The following CSRNP3 variants were observed in gnomAD, a reference collection of about 807,000 sequenced individuals.
CSRNP3 encodes cysteine and serine rich nuclear protein 3.
Under a neutral mutation model 48.0 loss-of-function variants are expected in CSRNP3, and 12 were observed. The ratio of observed to expected loss-of-function variants is 0.25; its 90% CI spans 0.16 to 0.41. CSRNP3 has a LOEUF of 0.41. Ranked by LOEUF, CSRNP3 falls within the 10% of genes least tolerant of loss-of-function variation. The pLI is 1.00. For synonymous variants in CSRNP3, 263 were observed against 269.7 expected (o/e 0.98, Z 0.24); for missense variants, 580 against 724.4 (o/e 0.80, Z 2.29).
chr2:165,636,404 G>A (rs1467545935), intron 4 of CSRNP3, among the ~76,000 whole-genome samples: 1 of 152,188 alleles, frequency 6.6e-6, no homozygotes, highest in Non-Finnish European at 1.5e-5. Context: ...TATGTTTTCA[G>A]AGGCCTGTAT....
rs577153352 is a variant in CSRNP3 at position 165,532,879 on chromosome 2, A to C, written c.-24+14918A>C. Among the ~76,000 whole-genome samples, 11 of 152,282 alleles carry C rather than the reference A, an allele frequency of 7.2e-5. No homozygotes were observed. In the East Asian group the frequency reaches 2.1e-3, roughly 29 times the overall value. ...CAGCAAAGTCTCAGGATACAAAATCAATGTACAAAAATCACAAGCATTCTT... is the reference window on the plus strand; with the variant it reads ...CAGCAAAGTCTCAGGATACAAAATCCATGTACAAAAATCACAAGCATTCTT... On this transcript the variant is annotated intron_variant, in intron 3 of 6. Coordinates refer to ENST00000651982, the MANE Select transcript of CSRNP3 (RefSeq NM_001172173.2).
chr2:165,516,017 G>C (rs1419670744), intron 2 of CSRNP3, among the ~76,000 whole-genome samples: 1 of 151,874 alleles, frequency 6.6e-6, no homozygotes, highest in Non-Finnish European at 1.5e-5. Context: ...TGTTGGCCAG[G>C]CTGCTCTCAA....
At chr2:165,522,903 C>G (rs1364591024) in intron 3 of CSRNP3, among the ~76,000 whole-genome samples, 1 of 152,054 alleles carries the variant, frequency 6.6e-6, no homozygotes, top group Non-Finnish European at 1.5e-5. Context: ...TTATACCACT[C>G]TGCAGATTTA....
intron 5 of CSRNP3, among the ~76,000 whole-genome samples, chr2:165,667,944 GC>G (rs1212739383): frequency 1.3e-5 from 2 of 152,142 alleles, no homozygotes; most frequent in African/African-American, 4.8e-5. Context: ...TTGGCAATAT[GC>G]CATAGTGATT....
At chr2:165,644,067 TA>T (rs1686772607) in intron 4 of CSRNP3, among the ~76,000 whole-genome samples, 3 of 152,204 alleles carry the variant, frequency 2.0e-5, no homozygotes, top group Admixed American at 1.3e-4. Context: ...CAAAATCATT[TA>T]TAATATTCAG....
Position 165,494,772 on chromosome 2 carries a change from C to T in CSRNP3, c.-269C>T, listed in dbSNP as rs72876190. 7.0e-3 allele frequency: 1,473 copies of T among 209,478 alleles called. 8 individuals are homozygous for T. The highest frequency in any genetic ancestry group is 0.012 in the South Asian group (102 of 8,814). 13.0% of individuals were successfully genotyped at this position (209,478 alleles called of 1,614,324 possible). On this transcript the variant is annotated 5_prime_UTR_variant, in exon 2 of 7. Transcript: ENST00000651982. Reference sequence around the variant, plus strand: ...TTCCTGTTACAGGTACATGTGACAGCGTTGCAGCTATGAGTGGAATTTTAA... The same window carrying T: ...TTCCTGTTACAGGTACATGTGACAGTGTTGCAGCTATGAGTGGAATTTTAA...
chr2:165,661,759 C>T (rs1345088817), intron 5 of CSRNP3, among the ~76,000 whole-genome samples: 2 of 152,208 alleles, frequency 1.3e-5, no homozygotes, highest in East Asian at 3.9e-4. Context: ...CTGAGTTGGT[C>T]CTTTGTGAGT....
intron 4 of CSRNP3, among the ~76,000 whole-genome samples, chr2:165,600,802 AT>A (rs1309133130): frequency 6.6e-6 from 1 of 152,194 alleles, no homozygotes; most frequent in Non-Finnish European, 1.5e-5. Flanking sequence ...TCATGGGCTA[AT>A]CTTTCAAATT....
At chr2:165,475,183 A>G (rs532343446) in intron 1 of CSRNP3, among the ~76,000 whole-genome samples, 158 of 151,968 alleles carry the variant, frequency 1.0e-3, no homozygotes, top group African/African-American at 3.7e-3. Flanking sequence ...GGGTTTCAAA[A>G]GTGATTTAAA....
chr2:165,510,607 G>A (rs1490070293), intron 2 of CSRNP3, among the ~76,000 whole-genome samples: 3 of 152,066 alleles, frequency 2.0e-5, no homozygotes, highest in South Asian at 2.1e-4. Context: ...AAGGAGCTAG[G>A]TTTTAATTGA....
intron 2 of CSRNP3, among the ~76,000 whole-genome samples, chr2:165,510,065 C>T (rs539820020): frequency 4.5e-4 from 69 of 152,230 alleles, no homozygotes; most frequent in African/African-American, 6.7e-4. Flanking sequence ...TGAATCATAT[C>T]GGGGATATAT....
intron 3 of CSRNP3, among the ~76,000 whole-genome samples, chr2:165,577,914 A>G (rs188003301): frequency 0.016 from 2,384 of 152,098 alleles, 29 homozygotes; most frequent in South Asian, 0.024. Context: ...CATATAGTAT[A>G]GGAACACACA....
At chr2:165,658,533 G>A (rs924617088) in intron 5 of CSRNP3, among the ~76,000 whole-genome samples, 10 of 152,116 alleles carry the variant, frequency 6.6e-5, no homozygotes, top group Admixed American at 3.3e-4. Context: ...ATTGGCAAGA[G>A]CATTTCAGAT....
At chr2:165,594,945 C>T in intron 3 of CSRNP3, 98 bp from the exon 4 acceptor site, 2 of 980,334 alleles carry the variant, frequency 2.0e-6, no homozygotes, top group South Asian at 3.6e-5. Flanking sequence ...TAGCTCAGCT[C>T]ATGTATAAAA....
chr2:165,573,985 G>A (rs978800748), intron 3 of CSRNP3: 2 of 175,428 alleles, frequency 1.1e-5, no homozygotes, highest in Non-Finnish European at 2.4e-5. Context: ...TCTTGGTGGG[G>A]AGGGAGTAAG....
intron 3 of CSRNP3, among the ~76,000 whole-genome samples, chr2:165,584,585 T>A (rs1251794171): frequency 6.6e-6 from 1 of 152,044 alleles, no homozygotes; most frequent in Non-Finnish European, 1.5e-5. Flanking sequence ...GCAAAGAATA[T>A]GAGAGTGCAA....
intron 3 of CSRNP3, among the ~76,000 whole-genome samples, chr2:165,586,402 T>G (rs1038445874): frequency 2.0e-5 from 3 of 152,208 alleles, no homozygotes; most frequent in Admixed American, 6.5e-5. Context: ...AGAGAACGAA[T>G]GAAGGTTGTC....
intron 4 of CSRNP3, among the ~76,000 whole-genome samples, chr2:165,648,721 A>G (rs188268494): frequency 3.5e-4 from 54 of 152,258 alleles, no homozygotes; most frequent in Admixed American, 1.2e-3. Context: ...AAATGTGTGG[A>G]TGAACAATTG....
At position 165,497,796 on chromosome 2, in the gene CSRNP3, C is replaced by A. The variant is rs114193750; in HGVS notation, c.-113+2868C>A. 5.5e-3 allele frequency among the ~76,000 whole-genome samples: 829 copies of A among 152,038 alleles called. 4 individuals carry two copies. The highest frequency in any genetic ancestry group is 0.019 in the African/African-American group (780 of 41,484). Reference sequence around the variant, plus strand: ...GGACTTTAATGTAGATCCCTAGAGTCTACCTCTCTACCAGACCACACAGCT... The same window carrying A: ...GGACTTTAATGTAGATCCCTAGAGTATACCTCTCTACCAGACCACACAGCT... On this transcript the variant is annotated intron_variant, in intron 2 of 6. Coordinates refer to ENST00000651982, the MANE Select transcript of CSRNP3 (RefSeq NM_001172173.2).
Sources: allele counts gnomAD v4.1 joint callset (sites outside exome capture counted in the v4.1 genomes callset), GRCh38; gene constraint gnomAD v4.1.1; transcripts MANE v1.5; gene names NCBI Gene and HGNC (gene_info 2026-07-23, HGNC 2026-07-21).